Variants in FNDC1 observed in about 807,000 individuals in gnomAD.
FNDC1 encodes fibronectin type III domain-containing protein 1.
A neutral mutation model predicts 168.0 loss-of-function variants in FNDC1; 96 were observed. The observed-to-expected ratio is 0.57, with a 90% CI of 0.48 to 0.68. FNDC1 has a LOEUF of 0.68. FNDC1 is among the 30% of genes least tolerant of loss of function. The pLI is 0.00. For synonymous variants in FNDC1, 1,099 were observed against 1,025.9 expected, an observed-to-expected ratio of 1.07 and a Z score of -1.36; for missense variants, 2,587 against 2,482.1, an observed-to-expected ratio of 1.04 and a Z score of -0.90.
chr6:159,259,168 G>A (rs925039630), intron 18 of FNDC1, among the ~76,000 whole-genome samples: 2 of 152,228 alleles, frequency 1.3e-5, no homozygotes, highest in Admixed American at 1.3e-4. Flanking sequence ...GGCTGAGGCA[G>A]AGACTATTCA....
At chr6:159,260,063 G>A (rs1371004409) in intron 18 of FNDC1, among the ~76,000 whole-genome samples, 1 of 152,212 alleles carries the variant, frequency 6.6e-6, no homozygotes, top group Admixed American at 6.5e-5. Flanking sequence ...TGGAATTTGT[G>A]TGCCTGACTT....
At chr6:159,184,347 T>C (rs1402022159) in intron 1 of FNDC1, among the ~76,000 whole-genome samples, 1 of 152,238 alleles carries the variant, frequency 6.6e-6, no homozygotes, top group Non-Finnish European at 1.5e-5. Flanking sequence ...CTTCCTTAAA[T>C]ATTTTTTTCT....
At chr6:159,195,185 T>C (rs1782219289) in intron 1 of FNDC1, among the ~76,000 whole-genome samples, 1 of 152,110 alleles carries the variant, frequency 6.6e-6, no homozygotes, top group Non-Finnish European at 1.5e-5. Flanking sequence ...AAAAAGAACC[T>C]TCATTAGGTA....
intron 2 of FNDC1, among the ~76,000 whole-genome samples, chr6:159,198,266 C>T (rs1419125382): frequency 6.6e-6 from 1 of 152,142 alleles, no homozygotes; most frequent in Admixed American, 6.5e-5. Context: ...ATTCTTGAAC[C>T]ATGTCATGGC....
intron 1 of FNDC1, among the ~76,000 whole-genome samples, chr6:159,193,840 C>T (rs1782187779): frequency 1.3e-5 from 2 of 152,088 alleles, no homozygotes; most frequent in South Asian, 4.1e-4. Flanking sequence ...GGGATTGTGC[C>T]CTTATTTTTC....
intron 11 of FNDC1, among the ~76,000 whole-genome samples, chr6:159,235,586 A>G (rs180828663): frequency 2.6e-5 from 4 of 152,334 alleles, no homozygotes; most frequent in East Asian, 1.9e-4. Flanking sequence ...CGAGCGGTCA[A>G]TGCTGGACCA....
At chr6:159,204,135 CAT>C (rs2114954103) in intron 4 of FNDC1, among the ~76,000 whole-genome samples, 1 of 152,288 alleles carries the variant, frequency 6.6e-6, no homozygotes, top group African/African-American at 2.4e-5. Context: ...TCAAGTTCAG[CAT>C]AGAGTCCACA....
intron 22 of FNDC1, among the ~76,000 whole-genome samples, chr6:159,271,099 T>G (rs1014355805): frequency 4.4e-4 from 67 of 152,080 alleles, no homozygotes; most frequent in Non-Finnish European, 5.4e-4. Flanking sequence ...AAGAGACAGG[T>G]GGGGAAGACC....
intron 1 of FNDC1, among the ~76,000 whole-genome samples, chr6:159,174,410 C>A (rs374927995): frequency 2.6e-5 from 4 of 152,286 alleles, no homozygotes; most frequent in Admixed American, 2.6e-4. Context: ...CCTCCCTCGG[C>A]CCGGCCTGGG....
intron 9 of FNDC1, among the ~76,000 whole-genome samples, chr6:159,229,362 A>G (rs936449640): frequency 6.6e-6 from 1 of 152,242 alleles, no homozygotes; most frequent in Non-Finnish European, 1.5e-5. Context: ...ATGTGCTAAT[A>G]AAAATAACCC....
intron 1 of FNDC1, among the ~76,000 whole-genome samples, chr6:159,188,003 G>T (rs1782039482): frequency 6.6e-6 from 1 of 151,988 alleles, no homozygotes; most frequent in Non-Finnish European, 1.5e-5. Context: ...TGACTTTTTG[G>T]TCCAAGATGT....
intron 18 of FNDC1, among the ~76,000 whole-genome samples, chr6:159,258,115 G>T (rs1171665421): frequency 6.6e-6 from 1 of 152,100 alleles, no homozygotes; most frequent in Non-Finnish European, 1.5e-5. Context: ...TGTCAGGAGG[G>T]TTATGTAGGG....
intron 19 of FNDC1, among the ~76,000 whole-genome samples, chr6:159,264,015 T>A (rs188525019): frequency 1.5e-3 from 236 of 152,298 alleles, no homozygotes; most frequent in Non-Finnish European, 3.0e-3. Flanking sequence ...GAAAAGCTAG[T>A]GTCATATTCT....
chr6:159,247,715 G>T (rs1777167606), intron 15 of FNDC1, among the ~76,000 whole-genome samples: 1 of 152,044 alleles, frequency 6.6e-6, no homozygotes, highest in African/African-American at 2.4e-5. Context: ...CTCCAGCCTG[G>T]GTGAGAGAGC....
chr6:159,212,592 G>C (rs1190876335), intron 4 of FNDC1, among the ~76,000 whole-genome samples: 1 of 152,180 alleles, frequency 6.6e-6, no homozygotes, highest in Non-Finnish European at 1.5e-5. Context: ...ATTGTGTTTA[G>C]AGGGAGGACA....
rs544765580 is a variant in FNDC1, at chr6:159,225,606, G to A, written c.956G>A (p.Arg319His). The A allele has an allele frequency of 1.1e-5, 18 of 1,613,924 alleles. No individual in the cohort carries two copies. In the African/African-American group the frequency reaches 1.3e-4, roughly 12 times the overall value. ...GATTATAAGCAGATCGCTAACAGGC[G>A]TGTGCTGATTGAGAACCTGATTCCA... ...RWDYKQIANR[R>H]VLIENLIPDT... is the part of the protein sequence containing the mutation. The change falls in exon 8 of 23, where the codon CGT (arginine) becomes CAT (histidine). Residue 319 changes from arginine (R) to histidine (H), a missense_variant. By Grantham distance (29) the Arg-to-His change is conservative. Transcript: ENST00000297267.
At chr6:159,199,755 T>C (rs577872376) in intron 2 of FNDC1, among the ~76,000 whole-genome samples, 9 of 152,382 alleles carry the variant, frequency 5.9e-5, no homozygotes, top group African/African-American at 2.2e-4. Context: ...ACATGGCATG[T>C]ACCTTGTATG....
At chr6:159,249,203 C>A in intron 16 of FNDC1, 21 bp downstream of exon 16, 1 of 1,594,558 alleles carries the variant, frequency 6.3e-7, no homozygotes, top group South Asian at 1.1e-5. Context: ...TGTCCTTAAT[C>A]AGAGAAACAT....
chr6:159,215,021 A>C lies in FNDC1; in HGVS notation c.537A>C (p.Ala179=). 6.2e-7 allele frequency: 1 copy of C among 1,613,974 alleles called. No homozygotes were observed. The highest frequency in any genetic ancestry group is 8.5e-7 in the Non-Finnish European group (1 of 1,179,864). ...SDDRLSVAWK[A]PRLSGAKSPR... ...ACAGGCTGTCCGTTGCGTGGAAGGCACCACGCCTGTCTGGAGCCAAGAGTC... is the reference window on the plus strand; with the variant it reads ...ACAGGCTGTCCGTTGCGTGGAAGGCCCCACGCCTGTCTGGAGCCAAGAGTC... The change falls in exon 5 of 23, where the codon GCA becomes GCC. Residue 179 remains alanine, a synonymous_variant. Transcript: ENST00000297267.
Sources: allele counts gnomAD v4.1 joint callset (sites outside exome capture counted in the v4.1 genomes callset), GRCh38; gene constraint gnomAD v4.1.1; transcripts MANE v1.5; gene names NCBI Gene and HGNC (gene_info 2026-07-23, HGNC 2026-07-21).